Variants in SPON2 observed in about 807,000 individuals in gnomAD.
SPON2 encodes the protein spondin-2.
In SPON2, 32 loss-of-function variants were observed where a neutral mutation model predicts 29.9. The ratio of observed to expected loss-of-function variants is 1.07; its 90% CI spans 0.81 to 1.44. SPON2 has a LOEUF of 1.44. Ranked by LOEUF, SPON2 falls within the 40% of genes most tolerant of loss-of-function variation. The probability of loss-of-function intolerance (pLI) is 0.00; values close to 1 mark genes in which losing one functional copy is unlikely to be tolerated. For synonymous variants in SPON2, 248 were observed against 209.1 expected, an observed-to-expected ratio of 1.19 and a Z score of -1.61; for missense variants, 541 against 455.5, an observed-to-expected ratio of 1.19 and a Z score of -1.71.
At chr4:1,193,870 G>A (rs1255960829) in intron 1 of SPON2, among the ~76,000 whole-genome samples, 6 of 123,640 alleles carry the variant, frequency 4.9e-5, no homozygotes, top group Non-Finnish European at 1.0e-4. Context: ...CGTGGGGGAC[G>A]GTGTGGGAAG....
chr4:1,175,979 G>A (rs1205639645), upstream of SPON2, among the ~76,000 whole-genome samples: 5 of 152,162 alleles, frequency 3.3e-5, no homozygotes, highest in African/African-American at 1.2e-4. Context: ...GAAGGCCCTA[G>A]GGCACCAGGG....
chr4:1,178,897 G>A (rs1247980037), intron 2 of SPON2, among the ~76,000 whole-genome samples: 7 of 152,056 alleles, frequency 4.6e-5, no homozygotes, highest in African/African-American at 1.4e-4. Context: ...GCAGGAACCC[G>A]CCACCCCAGC....
At chr4:1,187,084 A>G (rs1354646657) in intron 1 of SPON2, among the ~76,000 whole-genome samples, 2 of 152,244 alleles carry the variant, frequency 1.3e-5, no homozygotes, top group East Asian at 1.9e-4. Flanking sequence ...ACTCAAGTTC[A>G]TAGCAGCGTT....
chr4:1,185,250 AT>A (rs1727768899), intron 1 of SPON2, among the ~76,000 whole-genome samples: 1 of 151,316 alleles, frequency 6.6e-6, no homozygotes, highest in Non-Finnish European at 1.5e-5. Flanking sequence ...TCTTTTTTGT[AT>A]TTTTAATACA....
At chr4:1,200,713 C>T (rs1349114473) in intron 1 of SPON2, 1 of 422,694 alleles carries the variant, frequency 2.4e-6, no homozygotes, top group Admixed American at 2.5e-5. Context: ...TCTGCGTGGA[C>T]ATCGCTGGAC....
intron 2 of SPON2, 66 bp from the exon 3 acceptor site, chr4:1,171,552 G>C: frequency 6.7e-6 from 10 of 1,503,550 alleles, no homozygotes; most frequent in Non-Finnish European, 9.1e-6. Context: ...GGATTCCAGG[G>C]GGCGCCCCAG....
chr4:1,189,024 CAGAA>C (rs1727854835), intron 1 of SPON2, among the ~76,000 whole-genome samples: 1 of 152,042 alleles, frequency 6.6e-6, no homozygotes, highest in African/African-American at 2.4e-5. Flanking sequence ...AAATCAATAA[CAGAA>C]AGAAATTTGG....
chr4:1,170,618 C>A, intron 4 of SPON2, 42 bp from the exon 5 acceptor site: 1 of 1,574,436 alleles, frequency 6.4e-7, no homozygotes, highest in East Asian at 2.4e-5. Context: ...GTCCGAGAAG[C>A]CCACCTTCTG....
At chr4:1,184,950 A>AG (rs1310440075) in intron 1 of SPON2, among the ~76,000 whole-genome samples, 7 of 151,754 alleles carry the variant, frequency 4.6e-5, no homozygotes, top group Non-Finnish European at 8.8e-5. Flanking sequence ...AAAAAAAAAA[A>AG]AGAATACAAT....
At chr4:1,185,967 G>A (rs183871575) in intron 1 of SPON2, among the ~76,000 whole-genome samples, 2,993 of 151,978 alleles carry the variant, frequency 0.02, 96 homozygotes, top group African/African-American at 0.069. Context: ...ACATCTGGCC[G>A]GGCGTGGTGG....
At chr4:1,208,515 C>G (rs1440589407), upstream of SPON2, 4 of 152,340 alleles carry the variant, frequency 2.6e-5, no homozygotes, top group Admixed American at 1.3e-4. Flanking sequence ...GGCGCAGTAG[C>G]CTGAGGTGCT....
At position 1,170,597 on chromosome 4, in the gene SPON2, G is replaced by T. The variant is rs1478644113; in HGVS notation, c.637-21C>A. 2.5e-6 allele frequency: 4 copies of T among 1,600,744 alleles called. No individual in the cohort carries two copies. In the African/African-American group the frequency reaches 4.0e-5, roughly 16 times the overall value. On this transcript the variant is annotated intron_variant, in intron 4 of 5. Transcript: ENST00000290902. ...GTTATCTGGGGAGGAAGAAGAGGAG[G>T]TTGGCCTGGGGTCCGAGAAGCCCAC...
At chr4:1,170,344 C>G (rs76966734) in intron 5 of SPON2, 58 bp downstream of exon 5, 61,217 of 1,537,582 alleles carry the variant, frequency 0.04, 1,511 homozygotes, top group East Asian at 0.11. Flanking sequence ...GTTTGGTGGT[C>G]GCCCTGTGGC....
chr4:1,200,883 C>G (rs1233134618), intron 1 of SPON2: 1 of 456,694 alleles, frequency 2.2e-6, no homozygotes, highest in South Asian at 1.5e-5. Flanking sequence ...CTGACCCTGA[C>G]CACTGACTGA....
intron 2 of SPON2, 150 bp from the exon 3 acceptor site, chr4:1,171,636 C>A: frequency 1.1e-6 from 1 of 896,538 alleles, no homozygotes; most frequent in Non-Finnish European, 1.7e-6. Flanking sequence ...GTGGCTGCCC[C>A]TGCCGCGACC....
At chr4:1,172,680 C>G (rs1727496812), upstream of SPON2, 1 of 152,856 alleles carries the variant, frequency 6.5e-6, no homozygotes, top group African/African-American at 2.4e-5. Flanking sequence ...GCTGCACGGC[C>G]TGGCCTCCAG....
chr4:1,170,552 G>C lies in SPON2; in HGVS notation c.661C>G (p.Pro221Ala). The stretch of plus-strand genomic sequence containing the variant: ...CGCGGGTAGTAGAAGGAGTTGGCCG[G>C]GTGGCTGGGAGAGGAGGACGTTATC... Reference protein sequence around the residue: ...TEITSSSPSHPANSFYYPRLK... With the variant: ...TEITSSSPSHAANSFYYPRLK... The change falls in exon 5 of 6, where the codon CCG becomes GCG. Residue 221 changes from proline to alanine, a missense_variant. Coordinates refer to ENST00000290902, the MANE Select transcript of SPON2 (RefSeq NM_012445.4). 1 of 1,613,560 alleles carries C rather than the reference G, an allele frequency of 6.2e-7. No homozygotes were observed. The highest frequency in any genetic ancestry group is 8.5e-7 in the Non-Finnish European group (1 of 1,179,786).
intron 1 of SPON2, among the ~76,000 whole-genome samples, chr4:1,205,785 C>T (rs1424938936): frequency 1.3e-5 from 2 of 152,232 alleles, no homozygotes; most frequent in Non-Finnish European, 2.9e-5. Context: ...CAGGCCCCAC[C>T]AGGGGCCCCT....
intron 5 of SPON2, among the ~76,000 whole-genome samples, chr4:1,169,326 T>G (rs1292488660): frequency 6.6e-6 from 1 of 151,914 alleles, no homozygotes; most frequent in East Asian, 1.9e-4. Flanking sequence ...CTGCTTGGAA[T>G]GGGGCATCCG....
Sources: gnomAD v4.1 joint callset for allele counts (sites outside exome capture counted in the v4.1 genomes callset) on GRCh38, gnomAD v4.1.1 for gene constraint, MANE v1.5 for transcripts, NCBI Gene and HGNC (gene_info 2026-07-23, HGNC 2026-07-21) for gene names.